Variants in CADPS2 observed in about 807,000 individuals in gnomAD.
CADPS2 encodes calcium-dependent secretion activator 2.
In CADPS2, 93 loss-of-function variants were observed where a neutral mutation model predicts 172.5. That is an observed-to-expected ratio of 0.54 (90% CI 0.46 to 0.64). The LOEUF is 0.64. CADPS2 is among the 30% of genes least tolerant of loss of function. The pLI is 0.00. For missense variants in CADPS2, 1,420 were observed against 1,565.9 expected (o/e 0.91, Z 1.57); for synonymous variants, 546 against 555.2 (o/e 0.98, Z 0.23).
chr7:122,621,377 T>C lies in CADPS2; in HGVS notation c.1104+104A>G, dbSNP rs551340579. ...AGAATAATTTAACATCTCCAACATATATTACACTGTTTTAAATTCTAAAAG... is the reference window on the plus strand; with the variant it reads ...AGAATAATTTAACATCTCCAACATACATTACACTGTTTTAAATTCTAAAAG... On this transcript the variant is annotated intron_variant, in intron 5 of 29. Transcript: ENST00000449022. The C allele has an allele frequency of 5.7e-4, 438 of 767,888 alleles. 5 individuals are homozygous for C. The South Asian group carries it at 7.5e-3, about 13-fold the overall frequency. The allele number at this position is 767,888 out of a possible 1,614,324, so 47.6% of individuals were successfully genotyped here.
At chr7:122,784,436 T>A (rs1184434597) in intron 1 of CADPS2, among the ~76,000 whole-genome samples, 1 of 152,260 alleles carries the variant, frequency 6.6e-6, no homozygotes, top group East Asian at 1.9e-4. Context: ...TTCCTCTTCA[T>A]GTTTTCCCAC....
chr7:122,840,958 G>C (rs1810311621), intron 1 of CADPS2, among the ~76,000 whole-genome samples: 1 of 151,916 alleles, frequency 6.6e-6, no homozygotes, highest in Non-Finnish European at 1.5e-5. Context: ...AAGCCCATAA[G>C]AACAACAAAA....
intron 1 of CADPS2, among the ~76,000 whole-genome samples, chr7:122,833,861 GCA>G (rs1807398979): frequency 2.0e-5 from 3 of 152,140 alleles, no homozygotes; most frequent in Admixed American, 6.6e-5. Context: ...GTTTTTTAAA[GCA>G]CAGTTTAAAT....
At chr7:122,483,776 T>C (rs1251206685) in intron 11 of CADPS2, among the ~76,000 whole-genome samples, 1 of 152,110 alleles carries the variant, frequency 6.6e-6, no homozygotes, top group Non-Finnish European at 1.5e-5. Flanking sequence ...AGATATATAA[T>C]AAATTTAAAG....
chr7:122,843,472 G>A (rs1412748786), intron 1 of CADPS2, among the ~76,000 whole-genome samples: 1 of 152,080 alleles, frequency 6.6e-6, no homozygotes, highest in East Asian at 1.9e-4. Context: ...GGCATGAGGG[G>A]ATATTTGAAA....
At chr7:122,503,869 T>G (rs2059411026) in intron 9 of CADPS2, among the ~76,000 whole-genome samples, 1 of 152,076 alleles carries the variant, frequency 6.6e-6, no homozygotes, top group Non-Finnish European at 1.5e-5. Context: ...GAATTGCAAT[T>G]AGGAGGTACT....
At chr7:122,504,461 C>T (rs2059461383) in intron 9 of CADPS2, among the ~76,000 whole-genome samples, 1 of 152,150 alleles carries the variant, frequency 6.6e-6, no homozygotes, top group Non-Finnish European at 1.5e-5. Flanking sequence ...CACATGCTTC[C>T]ACACTGTGAA....
At chr7:122,548,339 C>CTACA (rs2063838941) in intron 8 of CADPS2, among the ~76,000 whole-genome samples, 1 of 151,914 alleles carries the variant, frequency 6.6e-6, no homozygotes, top group South Asian at 2.1e-4. Flanking sequence ...CACCACTGCA[C>CTACA]TACAGCCTGG....
intron 1 of CADPS2, among the ~76,000 whole-genome samples, chr7:122,755,900 C>G (rs144887119): frequency 2.7e-4 from 41 of 152,304 alleles, no homozygotes; most frequent in African/African-American, 8.9e-4. Flanking sequence ...TAGACGTTTT[C>G]CTGGATTCCA....
At chr7:122,633,108 A>G (rs1459027092) in intron 3 of CADPS2, among the ~76,000 whole-genome samples, 1 of 152,138 alleles carries the variant, frequency 6.6e-6, no homozygotes, top group Non-Finnish European at 1.5e-5. Flanking sequence ...GCCTTATAGT[A>G]TACTTTGAAT....
chr7:122,569,882 C>A (rs1237179858), intron 7 of CADPS2, among the ~76,000 whole-genome samples: 3 of 142,000 alleles, frequency 2.1e-5, no homozygotes, highest in Non-Finnish European at 4.5e-5. Flanking sequence ...AAAATCAATT[C>A]AAGATGGATT....
intron 10 of CADPS2, 89 bp from the exon 11 acceptor site, chr7:122,490,370 G>T: frequency 1.1e-6 from 1 of 948,114 alleles, no homozygotes. Context: ...GGAAAAGAAT[G>T]GCTTTGATAT....
At chr7:122,680,509 T>C (rs1176350412) in intron 2 of CADPS2, among the ~76,000 whole-genome samples, 1 of 151,976 alleles carries the variant, frequency 6.6e-6, no homozygotes, top group Non-Finnish European at 1.5e-5. Flanking sequence ...AGGTCAGGAG[T>C]TCGAGACCAG....
rs1161512567 is a variant in CADPS2 at position 122,554,552 on chromosome 7, A to G, written c.1473T>C (p.Ser491=). The G allele has an allele frequency of 1.3e-6, 2 of 1,591,384 alleles. No individual in the cohort carries two copies. The highest frequency in any genetic ancestry group is 2.3e-5 in the East Asian group (1 of 44,200). ...AAAATCCTCAAATTTATACTCACCC[A>G]CTATGCTTCATATGTGCTGGTTTAT... ...RMDKPAHMKH[S]GYLYALGQKV... The change falls in exon 8 of 30, where the codon AGT becomes AGC. Residue 491 remains serine, a splice_region_variant and synonymous_variant. Coordinates refer to ENST00000449022, the MANE Select transcript of CADPS2 (RefSeq NM_017954.11).
intron 2 of CADPS2, among the ~76,000 whole-genome samples, chr7:122,722,772 T>G (rs889360253): frequency 2.0e-5 from 3 of 149,766 alleles, no homozygotes; most frequent in African/African-American, 7.4e-5. Context: ...CTACCTGACT[T>G]CAAACTATAC....
chr7:122,775,355 T>C (rs1442234757), intron 1 of CADPS2, among the ~76,000 whole-genome samples: 1 of 152,160 alleles, frequency 6.6e-6, no homozygotes, highest in African/African-American at 2.4e-5. Context: ...AAGGCAGCAA[T>C]AGCTTCATGT....
At chr7:122,653,059 C>A (rs181960939) in intron 3 of CADPS2, among the ~76,000 whole-genome samples, 1 of 152,146 alleles carries the variant, frequency 6.6e-6, no homozygotes, top group African/African-American at 2.4e-5. Context: ...TATTACCAAA[C>A]GATGGCCATC....
At chr7:122,342,251 C>G (rs1317705183) in intron 28 of CADPS2, among the ~76,000 whole-genome samples, 1 of 152,152 alleles carries the variant, frequency 6.6e-6, no homozygotes, top group Non-Finnish European at 1.5e-5. Flanking sequence ...CGGTAAATGG[C>G]TGTGTAGGTT....
intron 1 of CADPS2, among the ~76,000 whole-genome samples, chr7:122,785,250 TTCTGACTG>T (rs1362101734): frequency 6.6e-6 from 1 of 152,220 alleles, no homozygotes; most frequent in Non-Finnish European, 1.5e-5. Context: ...ATCACACTTG[TTCTGACTG>T]TCTGGTGTTC....
Sources: gnomAD v4.1 joint callset for allele counts (sites outside exome capture counted in the v4.1 genomes callset) on GRCh38, gnomAD v4.1.1 for gene constraint, MANE v1.5 for transcripts, NCBI Gene and HGNC (gene_info 2026-07-23, HGNC 2026-07-21) for gene names.